RPRD2: variants seen among roughly 807,000 people sequenced by gnomAD.
RPRD2 encodes the protein regulation of nuclear pre-mRNA domain containing 2, also known as regulation of nuclear pre-mRNA domain-containing protein 2.
Under a neutral mutation model 104.4 loss-of-function variants are expected in RPRD2, and 12 were observed. The ratio of observed to expected loss-of-function variants is 0.11; its 90% confidence interval spans 0.07 to 0.19. The LOEUF is 0.19. Among genes scored for constraint, RPRD2 ranks in the 10% least tolerant of loss-of-function variants. The pLI, the probability that RPRD2 is intolerant of heterozygous loss-of-function variation, is 1.00. For missense variants in RPRD2, 1,543 were observed against 1,790.1 expected (o/e 0.86, Z 2.49); for synonymous variants, 714 against 684.9 (o/e 1.04, Z -0.66).
Position 150,471,312 on chromosome 1 carries a change from A to C in RPRD2, c.2364A>C (p.Thr788=), listed in dbSNP as rs1668574841. 6.2e-7 allele frequency: 1 copy of C among 1,613,834 alleles called. No individual in the cohort carries two copies. The part of the protein sequence containing the change: ...YPRELSNSVS[T]YRPFGLGSES... ...GAGAGCTCTCCAATTCTGTATCTAC[A>C]TATCGACCCTTTGGTCTGGGCAGTG... Residue 788 remains threonine, a synonymous_variant, in exon 11 of 11, where the codon ACA becomes ACC. Transcript: ENST00000369068. This position sits in a 1 kb window ranked among gnomAD's most constrained non-coding sequence, Gnocchi z 5.3.
chr1:150,388,419 T>C (rs114246225), intron 1 of RPRD2, among the ~76,000 whole-genome samples: 2,053 of 148,664 alleles, frequency 0.014, 50 homozygotes, highest in African/African-American at 0.048. Context: ...TACACATGTA[T>C]ATATATACAT....
At chr1:150,393,128 C>T (rs1662215868) in intron 1 of RPRD2, among the ~76,000 whole-genome samples, 2 of 151,746 alleles carry the variant, frequency 1.3e-5, no homozygotes, top group African/African-American at 2.4e-5. Flanking sequence ...AAAAACATAC[C>T]GCTATAGTAG....
intron 3 of RPRD2, 74 bp from the exon 4 acceptor site, chr1:150,441,806 CA>C: frequency 1.1e-6 from 1 of 932,390 alleles, no homozygotes; most frequent in Non-Finnish European, 1.6e-6. Context: ...TTTCATGCTG[CA>C]ACTTTGGCAC....
chr1:150,381,532 T>C (rs1479160916), intron 1 of RPRD2, among the ~76,000 whole-genome samples: 2 of 138,056 alleles, frequency 1.4e-5, no homozygotes, highest in Non-Finnish European at 3.1e-5. Flanking sequence ...TGAGACAGGG[T>C]CTTGCTCTAT....
intron 1 of RPRD2, among the ~76,000 whole-genome samples, chr1:150,416,074 G>A (rs1197000301): frequency 2.0e-5 from 3 of 152,088 alleles, no homozygotes; most frequent in African/African-American, 4.8e-5. Flanking sequence ...CTTTTAATTC[G>A]TATGATTTAA....
At chr1:150,432,461 G>A (rs371272448) in intron 2 of RPRD2, among the ~76,000 whole-genome samples, 4 of 152,060 alleles carry the variant, frequency 2.6e-5, no homozygotes, top group African/African-American at 9.6e-5. Context: ...ATTAAGAGGT[G>A]GAGCCTTTGG....
intron 1 of RPRD2, among the ~76,000 whole-genome samples, chr1:150,382,306 A>G (rs1356828518): frequency 6.6e-6 from 1 of 152,194 alleles, no homozygotes; most frequent in Non-Finnish European, 1.5e-5. Flanking sequence ...GGACCTATTC[A>G]TATAGCAACA....
At chr1:150,457,266 A>T in intron 7 of RPRD2, 22 bp from the exon 8 acceptor site, 1 of 1,595,198 alleles carries the variant, frequency 6.3e-7, no homozygotes, top group Non-Finnish European at 8.5e-7. Context: ...TCCAAGGAGT[A>T]AACTCCTTTT....
At chr1:150,467,563 G>T (rs1187913170) in intron 10 of RPRD2, among the ~76,000 whole-genome samples, 1 of 151,766 alleles carries the variant, frequency 6.6e-6, no homozygotes, top group East Asian at 1.9e-4. Flanking sequence ...TAGTAGACAC[G>T]GGGTTTCGCC....
intron 1 of RPRD2, among the ~76,000 whole-genome samples, chr1:150,402,324 A>T (rs587757628): frequency 6.6e-6 from 1 of 152,212 alleles, no homozygotes; most frequent in Non-Finnish European, 1.5e-5. Flanking sequence ...CTACTCTTGC[A>T]CATGTGCCCC....
intron 1 of RPRD2, 113 bp downstream of exon 1, chr1:150,365,032 A>G (rs587697457): frequency 6.3e-6 from 7 of 1,111,330 alleles, no homozygotes; most frequent in South Asian, 4.8e-5. Flanking sequence ...GGTTGTTCAC[A>G]TTAAAGGTTT....
chr1:150,388,287 G>A (rs1661751042), intron 1 of RPRD2, among the ~76,000 whole-genome samples: 1 of 151,612 alleles, frequency 6.6e-6, no homozygotes. Context: ...TGTGAAGATA[G>A]TACAGAGAGT....
At chr1:150,369,356 C>T (rs1660092884) in intron 1 of RPRD2, among the ~76,000 whole-genome samples, 1 of 151,164 alleles carries the variant, frequency 6.6e-6, no homozygotes, top group Non-Finnish European at 1.5e-5. Context: ...GATCTCCGCT[C>T]ACTGCAACCT....
At chr1:150,412,539 G>A (rs74475494) in intron 1 of RPRD2, among the ~76,000 whole-genome samples, 3,835 of 152,212 alleles carry the variant, frequency 0.025, 157 homozygotes, top group African/African-American at 0.087. Context: ...GACTAAAAGA[G>A]AAAACACAAG....
chr1:150,456,177 T>A (rs1667511450), intron 7 of RPRD2, among the ~76,000 whole-genome samples: 1 of 152,092 alleles, frequency 6.6e-6, no homozygotes, highest in South Asian at 2.1e-4. Flanking sequence ...CTTTGCTTTA[T>A]TTTTGGATTT....
chr1:150,446,492 G>A, intron 7 of RPRD2, 91 bp downstream of exon 7: 2 of 1,134,724 alleles, frequency 1.8e-6, no homozygotes, highest in Middle Eastern at 2.1e-4. Flanking sequence ...GTTAGGATAT[G>A]CATTTTTATC....
At chr1:150,432,539 T>C (rs1006432038) in intron 2 of RPRD2, among the ~76,000 whole-genome samples, 1 of 150,794 alleles carries the variant, frequency 6.6e-6, no homozygotes, top group East Asian at 1.9e-4. Context: ...CACAACATTG[T>C]GAATGTAGTT....
intron 2 of RPRD2, among the ~76,000 whole-genome samples, chr1:150,436,159 C>T (rs1553893035): frequency 6.6e-6 from 1 of 150,798 alleles, no homozygotes; most frequent in African/African-American, 2.4e-5. Flanking sequence ...AGATTCTTTA[C>T]AAAATATTAC....
rs587656685 is a variant in RPRD2 at position 150,384,099 on chromosome 1, G to A, written c.205+19180G>A. ...AGACCTATGAGTTTCTGGAAGGGGT[G>A]GGTAGGATATTCAGCATTTTCCAAA... On this transcript the variant is annotated intron_variant, in intron 1 of 10. Transcript: ENST00000369068. Among the ~76,000 whole-genome samples, 224 of 152,192 alleles carry A rather than the reference G, an allele frequency of 1.5e-3. 7 individuals carry two copies. Among genetic ancestry groups the A allele is most frequent in the South Asian group, 6.2e-3 (30 of 4,810 alleles).
Sources: gnomAD v4.1 joint callset for allele counts (sites outside exome capture counted in the v4.1 genomes callset) on GRCh38, gnomAD v4.1.1 for gene constraint, Gnocchi (gnomAD v3.1) non-coding constraint, MANE v1.5 for transcripts, NCBI Gene and HGNC (gene_info 2026-07-23, HGNC 2026-07-21) for gene names.